The following USP34 variants were observed in gnomAD, a reference collection of about 807,000 sequenced individuals.
USP34 encodes ubiquitin carboxyl-terminal hydrolase 34.
A neutral mutation model predicts 460.3 loss-of-function variants in USP34; 70 were observed. The ratio of observed to expected loss-of-function variants is 0.15; its 90% CI spans 0.13 to 0.19. The LOEUF (loss-of-function observed/expected upper bound fraction) is 0.19. Among genes scored for constraint, USP34 ranks in the 10% least tolerant of loss-of-function variants. The pLI is 1.00. For synonymous variants in USP34, 1,647 were observed against 1,405.3 expected (o/e 1.17, Z -3.85); for missense variants, 3,985 against 4,236.2 (o/e 0.94, Z 1.65).
intron 44 of USP34, among the ~76,000 whole-genome samples, chr2:61,259,080 T>C (rs1023990438): frequency 1.3e-5 from 2 of 152,046 alleles, no homozygotes; most frequent in African/African-American, 4.8e-5. Context: ...GCCAACATGG[T>C]GAAAGCTGTC....
intron 5 of USP34, among the ~76,000 whole-genome samples, chr2:61,385,835 C>T (rs529732852): frequency 6.7e-6 from 1 of 150,370 alleles, no homozygotes; most frequent in Non-Finnish European, 1.5e-5. Flanking sequence ...CTACTGAAAA[C>T]ACAAAAACAA....
chr2:61,266,713 C>G (rs1689058120), intron 41 of USP34, among the ~76,000 whole-genome samples: 1 of 152,030 alleles, frequency 6.6e-6, no homozygotes, highest in Non-Finnish European at 1.5e-5. Flanking sequence ...TCACACATCC[C>G]AAATAGTACT....
intron 35 of USP34, among the ~76,000 whole-genome samples, chr2:61,284,109 T>C (rs1342148852): frequency 6.6e-6 from 1 of 152,030 alleles, no homozygotes; most frequent in Non-Finnish European, 1.5e-5. Context: ...TTACAGCAAA[T>C]ACGAAATGAC....
intron 72 of USP34, among the ~76,000 whole-genome samples, chr2:61,205,746 A>G (rs1345915931): frequency 6.6e-6 from 1 of 152,246 alleles, no homozygotes; most frequent in Non-Finnish European, 1.5e-5. Context: ...CTTACATAGG[A>G]TAACAAGATT....
In USP34 at chr2:61,269,202, C is replaced by A. The variant is rs367775137; in HGVS notation, c.5434-3035G>T. On this transcript the variant is annotated intron_variant, in intron 41 of 79. Transcript: ENST00000398571. ...GTTTGGAGACGATCTCACTCTATCA[C>A]CCAGGCTAGCGACAGTGGTGGGATC... Among the ~76,000 whole-genome samples, 3 of 152,264 alleles carry A rather than the reference C, an allele frequency of 2.0e-5. No homozygotes were observed. In the East Asian group the frequency reaches 5.8e-4, roughly 29 times the overall value.
intron 67 of USP34, among the ~76,000 whole-genome samples, chr2:61,217,642 A>G (rs532311878): frequency 2.0e-5 from 3 of 152,232 alleles, no homozygotes; most frequent in African/African-American, 7.2e-5. Flanking sequence ...AGAATCGCTA[A>G]AACAGTATTA....
intron 25 of USP34, among the ~76,000 whole-genome samples, chr2:61,312,252 G>T (rs1452189780): frequency 6.6e-6 from 1 of 151,174 alleles, no homozygotes; most frequent in Non-Finnish European, 1.5e-5. Context: ...TCCAGCAAAT[G>T]AAATAGCAAG....
intron 1 of USP34, among the ~76,000 whole-genome samples, chr2:61,435,955 G>A (rs1694801593): frequency 6.6e-6 from 1 of 152,116 alleles, no homozygotes; most frequent in African/African-American, 2.4e-5. Context: ...TTGAACCTGG[G>A]AGGCGGAGGC....
Position 61,192,938 on chromosome 2 carries a change from A to G in USP34, c.9551T>C (p.Leu3184Pro). Residue 3184 changes from leucine (L) to proline (P), a missense_variant, in exon 76 of 80, where the codon CTG becomes CCG. Leu to Pro is a moderately conservative substitution (Grantham distance 98). This residue lies in a region of USP34 where 506 missense variants were observed against 439.0 expected (regional missense o/e 1.15). Coordinates refer to ENST00000398571, the MANE Select transcript of USP34 (RefSeq NM_014709.4). ...TAGCTCAGTCCAAAGTTTGGGGAAC[A>G]GTGCAAGATGAAGTGGCAAACCTTC... The part of the protein sequence containing the change: ...AYEGLPLHLA[L>P]FPKLWTELCQ... 6.2e-7 allele frequency: 1 copy of G among 1,613,986 alleles called. No individual in the cohort carries two copies. Among genetic ancestry groups the G allele is most frequent in the South Asian group, 1.1e-5 (1 of 91,046 alleles).
At chr2:61,352,995 A>G (rs1466069423) in intron 10 of USP34, among the ~76,000 whole-genome samples, 2 of 152,264 alleles carry the variant, frequency 1.3e-5, no homozygotes, top group East Asian at 1.9e-4. Flanking sequence ...TCTAGAGTCA[A>G]TCTGAACTTC....
intron 27 of USP34, among the ~76,000 whole-genome samples, chr2:61,307,321 G>C (rs1301615214): frequency 8.3e-5 from 11 of 132,040 alleles, no homozygotes; most frequent in African/African-American, 3.0e-4. Context: ...GTCATGGGGT[G>C]GGGGGAGGGG....
chr2:61,226,422 G>A (rs1687729985), intron 62 of USP34, among the ~76,000 whole-genome samples: 1 of 152,046 alleles, frequency 6.6e-6, no homozygotes, highest in Non-Finnish European at 1.5e-5. Context: ...CACAAATAAT[G>A]AGGTTTGGTT....
intron 3 of USP34, among the ~76,000 whole-genome samples, chr2:61,403,992 CAA>C (rs71405114): frequency 1.4e-4 from 4 of 29,126 alleles, no homozygotes; most frequent in African/African-American, 1.8e-4. Flanking sequence ...GACTCTATCT[CAA>C]AAAAAAAAAA....
intron 1 of USP34, among the ~76,000 whole-genome samples, chr2:61,466,125 A>T (rs553131768): frequency 6.6e-6 from 1 of 152,260 alleles, no homozygotes; most frequent in African/African-American, 2.4e-5. Flanking sequence ...ACTACGGTTA[A>T]CAATAATATA....
intron 33 of USP34, among the ~76,000 whole-genome samples, chr2:61,292,541 C>G (rs898627496): frequency 7.2e-5 from 11 of 152,088 alleles, no homozygotes; most frequent in Admixed American, 6.6e-4. Context: ...CTGTCTTGGC[C>G]CACATGTAAA....
chr2:61,256,732 C>A, intron 47 of USP34, 141 bp downstream of exon 47: 1 of 671,542 alleles, frequency 1.5e-6, no homozygotes, highest in South Asian at 2.9e-5. Context: ...TGATGTTTAA[C>A]TCTTATTTGA....
chr2:61,252,777 T>G (rs533055439), intron 48 of USP34, among the ~76,000 whole-genome samples: 11 of 152,288 alleles, frequency 7.2e-5, no homozygotes, highest in African/African-American at 2.6e-4. Context: ...GAATAACTAA[T>G]GAGCTTGTGG....
chr2:61,293,090 A>C (rs1057271016), intron 33 of USP34, among the ~76,000 whole-genome samples: 4 of 152,052 alleles, frequency 2.6e-5, no homozygotes, highest in Non-Finnish European at 5.9e-5. Context: ...TACTACTATA[A>C]AGGAAGAAAT....
At chr2:61,404,383 C>T (rs1373581199) in intron 3 of USP34, among the ~76,000 whole-genome samples, 1 of 152,160 alleles carries the variant, frequency 6.6e-6, no homozygotes, top group Non-Finnish European at 1.5e-5. Context: ...CTCCTCCCCC[C>T]AGCAATGGAG....
Sources: allele counts gnomAD v4.1 joint callset (sites outside exome capture counted in the v4.1 genomes callset), GRCh38; gene constraint gnomAD v4.1.1; regional missense constraint gnomAD v4.1.1; transcripts MANE v1.5; gene names NCBI Gene and HGNC (gene_info 2026-07-23, HGNC 2026-07-21).